Variants in HERC1 observed in about 807,000 individuals in gnomAD.
HERC1 encodes HECT and RLD domain containing E3 ubiquitin protein ligase family member 1.
In HERC1, 160 loss-of-function variants were observed where a neutral mutation model predicts 554.3. The ratio of observed to expected loss-of-function variants is 0.29; its 90% CI spans 0.25 to 0.33. The LOEUF (loss-of-function observed/expected upper bound fraction) is 0.33. Ranked by LOEUF, HERC1 falls within the 10% of genes least tolerant of loss-of-function variation. The probability of loss-of-function intolerance (pLI) is 1.00; values close to 1 mark genes in which losing one functional copy is unlikely to be tolerated. For synonymous variants in HERC1, 2,175 were observed against 2,131.7 expected (o/e 1.02, Z -0.56); for missense variants, 4,919 against 5,918.5 (o/e 0.83, Z 5.54).
At chr15:63,724,527 G>A (rs773042007) in intron 18 of HERC1, among the ~76,000 whole-genome samples, 8 of 151,830 alleles carry the variant, frequency 5.3e-5, no homozygotes, top group Admixed American at 1.3e-4. Context: ...TTTCTTTTCC[G>A]CTCTCCTTCT....
At chr15:63,792,655 C>T (rs1313661295) in intron 1 of HERC1, among the ~76,000 whole-genome samples, 3 of 152,154 alleles carry the variant, frequency 2.0e-5, no homozygotes, top group Non-Finnish European at 4.4e-5. Flanking sequence ...AACTCAGTTT[C>T]TTCCTATTAG....
At chr15:63,663,233 T>C (rs2152936371) in intron 43 of HERC1, 29 bp from the exon 44 acceptor site, 1 of 1,572,214 alleles carries the variant, frequency 6.4e-7, no homozygotes, top group Non-Finnish European at 8.7e-7. Flanking sequence ...AGGCATTTTA[T>C]TTGCATGCAT....
At chr15:63,831,449 T>C (rs2078151245) in intron 1 of HERC1, among the ~76,000 whole-genome samples, 1 of 152,224 alleles carries the variant, frequency 6.6e-6, no homozygotes, top group African/African-American at 2.4e-5. Context: ...TTCAACAGAT[T>C]ATAGTAAGTT....
intron 39 of HERC1, among the ~76,000 whole-genome samples, chr15:63,671,135 T>C (rs973296398): frequency 2.0e-4 from 30 of 148,318 alleles, no homozygotes; most frequent in African/African-American, 7.2e-4. Context: ...CTCAGGAGGC[T>C]GAGGTTACGG....
At chr15:63,735,901 A>G (rs998507067) in intron 12 of HERC1, among the ~76,000 whole-genome samples, 8 of 152,202 alleles carry the variant, frequency 5.3e-5, no homozygotes. Flanking sequence ...TACTCAAACT[A>G]AAATAAAGCT....
Position 63,756,754 on chromosome 15 carries a change from A to C in HERC1, c.1222-6T>G, listed in dbSNP as rs766329248. 4 of 1,536,350 alleles carry C rather than the reference A, an allele frequency of 2.6e-6. No homozygotes were observed. The highest frequency in any genetic ancestry group is 3.4e-4 in the Middle Eastern group (2 of 5,798). On this transcript the variant is annotated splice_polypyrimidine_tract_variant and splice_region_variant and intron_variant, in intron 4 of 77. Coordinates refer to ENST00000443617, the MANE Select transcript of HERC1 (RefSeq NM_003922.4). The surrounding 1 kb of genome is among the most constrained non-coding windows in gnomAD (Gnocchi z 5.0). ...CAGTACTGTCCAGCTTCAATCTATAAACAAAGAATCATAAATATAAAATAC... is the reference window on the plus strand; with the variant it reads ...CAGTACTGTCCAGCTTCAATCTATACACAAAGAATCATAAATATAAAATAC...
intron 70 of HERC1, among the ~76,000 whole-genome samples, chr15:63,628,389 C>CA (rs35041070): frequency 6.8e-4 from 102 of 151,076 alleles, no homozygotes; most frequent in African/African-American, 2.0e-3. Context: ...GACTCCATCT[C>CA]AAAAAAAAAC....
intron 38 of HERC1, among the ~76,000 whole-genome samples, chr15:63,673,621 A>G (rs570742022): frequency 0.02 from 980 of 48,578 alleles, 23 homozygotes; most frequent in South Asian, 0.097. Flanking sequence ...AGGATACAAG[A>G]TAAAACAGAG....
intron 57 of HERC1, 71 bp from the exon 58 acceptor site, chr15:63,643,621 T>A: frequency 8.6e-7 from 1 of 1,168,148 alleles, no homozygotes; most frequent in Non-Finnish European, 1.2e-6. Flanking sequence ...TATCATTCAC[T>A]CTTGGAAATT....
chr15:63,637,594 A>G lies in HERC1; in HGVS notation c.12143T>C (p.Val4048Ala). 1.3e-6 allele frequency: 2 copies of G among 1,554,618 alleles called. No individual in the cohort carries two copies. The highest frequency in any genetic ancestry group is 1.7e-6 in the Non-Finnish European group (2 of 1,147,954). The change falls in exon 64 of 78, where the codon GTG (valine) becomes GCG (alanine). Residue 4048 changes from valine to alanine, a missense_variant. Transcript: ENST00000443617. ...CTFVIQANGT[V>A]LACGEGSYGR... Reference sequence around the variant, plus strand: ...ATAACTTCCTTCCCCACAAGCCAACACTGTGCCATTGGCCTGGATGACAAA... The same window carrying G: ...ATAACTTCCTTCCCCACAAGCCAACGCTGTGCCATTGGCCTGGATGACAAA...
intron 3 of HERC1, among the ~76,000 whole-genome samples, chr15:63,760,435 C>CAAAAAAAAAAAAAA (rs34164820): frequency 1.1e-5 from 1 of 91,422 alleles, no homozygotes; most frequent in African/African-American, 4.3e-5. Flanking sequence ...AGACACCATC[C>CAAAAAAAAAAAAAA]AAAAAAAAAA....
chr15:63,789,801 A>AAAATAAATAAATAAATAAAT (rs10527229), intron 1 of HERC1, among the ~76,000 whole-genome samples: 242 of 139,124 alleles, frequency 1.7e-3, no homozygotes, highest in Non-Finnish European at 1.9e-3. Flanking sequence ...GCCCTGTCTC[A>AAAATAAATAAATAAATAAAT]AAATAAATAA....
In HERC1 at chr15:63,775,457, C is replaced by T; in HGVS notation, c.167G>A (p.Cys56Tyr). ...GTCTGGCAACTGTGGTCCTTTGAGG[C>T]ATAAAACTTGTTGGGGCAAAGGTAC... Reference protein sequence around the residue: ...EVVPLPQQVLCLKGPQLPDFE... With the variant: ...EVVPLPQQVLYLKGPQLPDFE... The change falls in exon 2 of 78, where the codon TGC becomes TAC. Residue 56 changes from cysteine to tyrosine, a missense_variant. Around this residue, in one of 11 missense-constraint regions of HERC1, gnomAD observed 110 missense variants for 99.3 expected, o/e 1.11. Coordinates refer to ENST00000443617, the MANE Select transcript of HERC1 (RefSeq NM_003922.4). The surrounding 1 kb of genome is among the most constrained non-coding windows in gnomAD (Gnocchi z 4.0). 6.2e-7 allele frequency: 1 copy of T among 1,613,966 alleles called. No individual in the cohort carries two copies.
chr15:63,676,329 G>C (rs2071204243), intron 37 of HERC1, among the ~76,000 whole-genome samples: 1 of 152,160 alleles, frequency 6.6e-6, no homozygotes, highest in Non-Finnish European at 1.5e-5. Flanking sequence ...TAGAATGGAG[G>C]GGAAGGCAGA....
intron 38 of HERC1, among the ~76,000 whole-genome samples, chr15:63,673,028 A>G (rs765046386): frequency 1.3e-5 from 2 of 152,208 alleles, no homozygotes; most frequent in African/African-American, 2.4e-5. Context: ...AAGGTATCCA[A>G]TCATTAAAAC....
chr15:63,833,751 GCGCACACACACACACACACACACACA>G (rs1272666871), intron 1 of HERC1, 50 bp downstream of exon 1: 1 of 72,320 alleles, frequency 1.4e-5, no homozygotes, highest in Non-Finnish European at 3.5e-5. Context: ...ACACGCGCGC[GCGCACACACACACACACACACACACA>G]CACACACACA....
At chr15:63,686,774 A>C (rs1374650917) in intron 33 of HERC1, among the ~76,000 whole-genome samples, 1 of 152,212 alleles carries the variant, frequency 6.6e-6, no homozygotes, top group African/African-American at 2.4e-5. Flanking sequence ...GTGGGAGAAT[A>C]ATCAAAATTA....
intron 1 of HERC1, among the ~76,000 whole-genome samples, chr15:63,813,369 C>T (rs1263945902): frequency 6.6e-6 from 1 of 150,746 alleles, no homozygotes; most frequent in African/African-American, 2.4e-5. Flanking sequence ...AGTACACACA[C>T]TAAAAGAGCC....
At chr15:63,824,377 C>CA (rs1374275416) in intron 1 of HERC1, among the ~76,000 whole-genome samples, 1 of 151,546 alleles carries the variant, frequency 6.6e-6, no homozygotes, top group South Asian at 2.1e-4. Context: ...ACTAAAAATA[C>CA]AAAAAAATTA....
Sources: gnomAD v4.1 joint callset for allele counts (sites outside exome capture counted in the v4.1 genomes callset) on GRCh38, gnomAD v4.1.1 for gene constraint, gnomAD v4.1.1 regional missense constraint, Gnocchi (gnomAD v3.1) non-coding constraint, MANE v1.5 for transcripts, NCBI Gene and HGNC (gene_info 2026-07-23, HGNC 2026-07-21) for gene names.